Variants in SLC24A2 observed in about 807,000 individuals in gnomAD.
SLC24A2 encodes the protein sodium/potassium/calcium exchanger 2.
In SLC24A2, 36 loss-of-function variants were observed where a neutral mutation model predicts 62.0. That is an observed-to-expected ratio of 0.58 (90% CI 0.44 to 0.77). SLC24A2 has a LOEUF of 0.77. Ranked by LOEUF, SLC24A2 falls within the 30% of genes least tolerant of loss-of-function variation. The pLI is 0.00. For synonymous variants in SLC24A2, 358 were observed against 294.0 expected, an observed-to-expected ratio of 1.22 and a Z score of -2.23; for missense variants, 846 against 817.9, an observed-to-expected ratio of 1.03 and a Z score of -0.42.
chr9:19,541,351 T>G (rs1172396636), intron 8 of SLC24A2, among the ~76,000 whole-genome samples: 24 of 150,308 alleles, frequency 1.6e-4, no homozygotes, highest in Non-Finnish European at 4.5e-5. Context: ...CTACTTTTGG[T>G]CTTTGATGAT....
chr9:19,808,383 G>C, the SLC24A2 span, among the ~76,000 whole-genome samples: 7 of 152,184 alleles, frequency 4.6e-5, no homozygotes, highest in African/African-American at 1.4e-4. The surrounding 1 kb of genome is among the most constrained non-coding windows in gnomAD (Gnocchi z 4.1). Flanking sequence ...CATTTACATA[G>C]AGTATTTGAC....
chr9:20,090,946 A>C, the SLC24A2 span, among the ~76,000 whole-genome samples: 1 of 152,196 alleles, frequency 6.6e-6, no homozygotes, highest in South Asian at 2.1e-4. Context: ...CAATCCAAGG[A>C]AACAGAATCA....
the SLC24A2 span, among the ~76,000 whole-genome samples, chr9:19,872,619 G>A: frequency 6.6e-6 from 1 of 152,170 alleles, no homozygotes; most frequent in Non-Finnish European, 1.5e-5. Context: ...CCTTGATCCA[G>A]AACTCTGTGC....
chr9:19,733,901 A>C (rs1251339280), intron 2 of SLC24A2, among the ~76,000 whole-genome samples: 2 of 152,200 alleles, frequency 1.3e-5, no homozygotes, highest in African/African-American at 4.8e-5. Flanking sequence ...AAAACAAATA[A>C]ATACTCTTAT....
chr9:20,181,672 C>G, the SLC24A2 span, among the ~76,000 whole-genome samples: 1 of 152,138 alleles, frequency 6.6e-6, no homozygotes, highest in Non-Finnish European at 1.5e-5. Flanking sequence ...GACCTAAAAC[C>G]ATACAAATGC....
At chr9:20,031,852 T>C in the SLC24A2 span, among the ~76,000 whole-genome samples, 1 of 152,154 alleles carries the variant, frequency 6.6e-6, no homozygotes, top group South Asian at 2.1e-4. Flanking sequence ...GGTAAATGTT[T>C]AACAACAGCA....
chr9:20,242,477 C>T, the SLC24A2 span, among the ~76,000 whole-genome samples: 1 of 152,188 alleles, frequency 6.6e-6, no homozygotes, highest in African/African-American at 2.4e-5. Context: ...CAGAATTGTC[C>T]TCCAAATCAG....
chr9:19,682,429 T>C (rs1178142736), intron 2 of SLC24A2, among the ~76,000 whole-genome samples: 2 of 152,090 alleles, frequency 1.3e-5, no homozygotes, highest in African/African-American at 4.8e-5. Flanking sequence ...ATGCCAGCAA[T>C]AGCAACCCTC....
At chr9:20,105,206 G>C in the SLC24A2 span, among the ~76,000 whole-genome samples, 2 of 152,062 alleles carry the variant, frequency 1.3e-5, no homozygotes, top group Non-Finnish European at 2.9e-5. Flanking sequence ...AGCAAGTCCT[G>C]AGTTACCTAC....
rs2132598331 is a variant in SLC24A2, at chr9:19,509,351, G to A, written c.*6802C>T. 6.6e-6 allele frequency: 1 copy of A among 152,206 alleles called. No individual in the cohort carries two copies. The highest frequency in any genetic ancestry group is 1.5e-5 in the Non-Finnish European group (1 of 67,988). 9.4% of individuals were successfully genotyped at this position (152,206 alleles called of 1,614,324 possible). On this transcript the variant is annotated 3_prime_UTR_variant, in exon 11 of 11. Coordinates refer to ENST00000341998, the MANE Select transcript of SLC24A2 (RefSeq NM_020344.4). ...ACATCTAAAATGTATAAGTAGATTA[G>A]GATTGCCTAGAACAATAATTGTAGT...
At chr9:19,889,639 A>G in the SLC24A2 span, among the ~76,000 whole-genome samples, 1 of 152,116 alleles carries the variant, frequency 6.6e-6, no homozygotes, top group South Asian at 2.1e-4. Context: ...TATGCCATTA[A>G]CATTTTATCC....
At chr9:19,633,874 T>G (rs965454118) in intron 2 of SLC24A2, among the ~76,000 whole-genome samples, 2 of 152,194 alleles carry the variant, frequency 1.3e-5, no homozygotes, top group Admixed American at 6.5e-5. Flanking sequence ...GCAAATATTT[T>G]CCCCCTGTCT....
intron 2 of SLC24A2, among the ~76,000 whole-genome samples, chr9:19,766,565 T>G (rs888636873): frequency 6.6e-6 from 1 of 152,214 alleles, no homozygotes; most frequent in Non-Finnish European, 1.5e-5. Flanking sequence ...CCCTCTTCTG[T>G]AGGTCTGCTG....
chr9:19,849,137 C>T, the SLC24A2 span, among the ~76,000 whole-genome samples: 19 of 152,094 alleles, frequency 1.2e-4, no homozygotes, highest in African/African-American at 3.9e-4. Flanking sequence ...AGGAGGTTTT[C>T]CCAGTAGTGT....
At chr9:20,160,541 G>A in the SLC24A2 span, among the ~76,000 whole-genome samples, 55 of 151,248 alleles carry the variant, frequency 3.6e-4, no homozygotes, top group Non-Finnish European at 2.8e-4. Context: ...AGTTTATAAA[G>A]TATCAATATG....
chr9:19,904,970 A>G, the SLC24A2 span, among the ~76,000 whole-genome samples: 2 of 152,214 alleles, frequency 1.3e-5, no homozygotes, highest in South Asian at 2.1e-4. Flanking sequence ...GTGGAGGTAA[A>G]GGAAAAAGGA....
the SLC24A2 span, among the ~76,000 whole-genome samples, chr9:20,035,648 G>GGAGGCT: frequency 6.6e-6 from 1 of 152,128 alleles, no homozygotes; most frequent in Non-Finnish European, 1.5e-5. Context: ...CAGCTATTCG[G>GGAGGCT]GAGGCTGAGG....
the SLC24A2 span, among the ~76,000 whole-genome samples, chr9:20,061,613 C>G: frequency 6.6e-6 from 1 of 152,082 alleles, no homozygotes; most frequent in Admixed American, 6.6e-5. Context: ...ACAAAAGTGC[C>G]AAGACAATTC....
rs774715092 is a variant in SLC24A2 at position 19,786,243 on chromosome 9, A to G, written c.624T>C (p.Ile208=). Residue 208 remains isoleucine, a synonymous_variant, in exon 2 of 11, where the codon ATT becomes ATC. Coordinates refer to ENST00000341998, the MANE Select transcript of SLC24A2 (RefSeq NM_020344.4). The surrounding 1 kb of genome is among the most constrained non-coding windows in gnomAD (Gnocchi z 5.0). Reference sequence around the variant, plus strand: ...GGATGTTGAATACTGCTGAACCTACAATTGTGCCTATGCCAACGTTGCTGT... The same window carrying G: ...GGATGTTGAATACTGCTGAACCTACGATTGTGCCTATGCCAACGTTGCTGT... ...IAHSNVGIGT[I]VGSAVFNILF... is the part of the protein sequence containing the mutation. 1 of 1,614,146 alleles carries G rather than the reference A, an allele frequency of 6.2e-7. No individual in the cohort carries two copies. Among genetic ancestry groups the G allele is most frequent in the Middle Eastern group, 1.6e-4 (1 of 6,062 alleles).
Sources: allele counts gnomAD v4.1 joint callset (sites outside exome capture counted in the v4.1 genomes callset), GRCh38; gene constraint gnomAD v4.1.1; non-coding constraint Gnocchi (gnomAD v3.1); transcripts MANE v1.5; gene names NCBI Gene and HGNC (gene_info 2026-07-23, HGNC 2026-07-21).